FXR2: variants seen among roughly 807,000 people sequenced by gnomAD.
FXR2 encodes RNA-binding protein FXR2.
FXR2 carries 9 observed loss-of-function variants against 87.3 expected under a neutral mutation model. The observed-to-expected ratio is 0.10, with a 90% CI of 0.06 to 0.18. The LOEUF is 0.18. Ranked by LOEUF, FXR2 falls within the 10% of genes least tolerant of loss-of-function variation. FXR2 has a pLI of 1.00. For synonymous variants in FXR2, 331 were observed against 328.3 expected (o/e 1.01, Z -0.09); for missense variants, 661 against 893.6 (o/e 0.74, Z 3.32).
intron 5 of FXR2, among the ~76,000 whole-genome samples, chr17:7,603,528 CAAAA>C (rs35153607): frequency 9.4e-5 from 10 of 106,894 alleles, no homozygotes; most frequent in South Asian, 3.0e-4. Context: ...ACTCTGTCTC[CAAAA>C]AAAAAAAAAA....
chr17:7,605,870 G>T, intron 2 of FXR2, 132 bp from the exon 3 acceptor site: 1 of 680,256 alleles, frequency 1.5e-6, no homozygotes, highest in Non-Finnish European at 2.6e-6. Context: ...CCCAGGCCCT[G>T]CTCCATAGTA....
At position 7,593,022 on chromosome 17, in the gene FXR2, C is replaced by T. The variant is rs766713738; in HGVS notation, c.1490G>A (p.Arg497Gln). Residue 497 changes from arginine to glutamine, a missense_variant, in exon 13 of 17, where the codon CGG (arginine) becomes CAG (glutamine). Transcript: ENST00000250113. This position sits in a 1 kb window ranked among gnomAD's most constrained non-coding sequence, Gnocchi z 6.1. Reference protein sequence around the residue: ...GRGRGPPPAPRPTSRYNSSSI... With the variant: ...GRGRGPPPAPQPTSRYNSSSI... ...TGAAGAATTGTATCTCGAAGTGGGCCGGGGGGCAGGTGGGGGTCCCCTACC... is the reference window on the plus strand; with the variant it reads ...TGAAGAATTGTATCTCGAAGTGGGCTGGGGGGCAGGTGGGGGTCCCCTACC... The T allele has an allele frequency of 1.1e-4, 180 of 1,576,774 alleles. No individual in the cohort carries two copies. The highest frequency in any genetic ancestry group is 1.4e-4 in the Non-Finnish European group (164 of 1,164,332).
intron 7 of FXR2, among the ~76,000 whole-genome samples, chr17:7,600,664 T>TCA (rs2071747640): frequency 6.6e-6 from 1 of 151,936 alleles, no homozygotes; most frequent in African/African-American, 2.4e-5. Context: ...GGCAGGTGGA[T>TCA]CATGAGGTCA....
At chr17:7,612,822 C>A (rs1272219144) in intron 1 of FXR2, among the ~76,000 whole-genome samples, 1 of 151,668 alleles carries the variant, frequency 6.6e-6, no homozygotes, top group African/African-American at 2.4e-5. Flanking sequence ...CAGTGAAACC[C>A]CGTCTCTACT....
intron 2 of FXR2, 105 bp downstream of exon 2, chr17:7,605,992 C>A: frequency 1.3e-6 from 1 of 786,124 alleles, no homozygotes; most frequent in Non-Finnish European, 2.1e-6. Context: ...CCCAAACCCT[C>A]AGCTCTCCCA....
chr17:7,610,977 G>A (rs2071858976), intron 1 of FXR2, among the ~76,000 whole-genome samples: 1 of 152,176 alleles, frequency 6.6e-6, no homozygotes, highest in African/African-American at 2.4e-5. Context: ...AGCAAAGGAG[G>A]GGGTTCTAGG....
intron 1 of FXR2, among the ~76,000 whole-genome samples, chr17:7,606,865 CCTCA>C (rs903128408): frequency 4.6e-5 from 7 of 152,164 alleles, no homozygotes; most frequent in African/African-American, 1.7e-4. Flanking sequence ...TGGTCTGTGT[CCTCA>C]CTAAGGAGGC....
intron 7 of FXR2, among the ~76,000 whole-genome samples, chr17:7,599,546 A>G (rs2071735922): frequency 6.6e-6 from 1 of 152,180 alleles, no homozygotes; most frequent in Non-Finnish European, 1.5e-5. Context: ...GAATCTGACA[A>G]TTATACGATG....
At chr17:7,610,112 G>T (rs1265345369) in intron 1 of FXR2, among the ~76,000 whole-genome samples, 1 of 151,466 alleles carries the variant, frequency 6.6e-6, no homozygotes, top group Non-Finnish European at 1.5e-5. Context: ...TGTAACCTCA[G>T]CTATTCAGGG....
rs761815605 is a variant in FXR2, at chr17:7,594,762, AG to A, written c.832-6del. 1.3e-6 allele frequency: 2 copies of A among 1,588,654 alleles called. No individual in the cohort carries two copies. On this transcript the variant is annotated splice_region_variant and splice_polypyrimidine_tract_variant and intron_variant, in intron 8 of 16. Transcript: ENST00000250113. This position sits in a 1 kb window ranked among gnomAD's most constrained non-coding sequence, Gnocchi z 5.1. ...CTGTCGGCAAGCCTCGGGAGTCTAA[AG>A]GAAGAACAGCAGGGAGTTGTTACTA... is the stretch of plus-strand genomic sequence containing the variant.
At chr17:7,606,884 G>A (rs2071807404) in intron 1 of FXR2, among the ~76,000 whole-genome samples, 1 of 152,184 alleles carries the variant, frequency 6.6e-6, no homozygotes, top group Admixed American at 6.5e-5. Flanking sequence ...GGAGGCCAAA[G>A]CCATGCATTC....
chr17:7,592,595 ATCT>A lies in FXR2; in HGVS notation c.1731_1733del (p.Glu577del). 1 of 1,612,600 alleles carries A rather than the reference ATCT, an allele frequency of 6.2e-7. No individual in the cohort carries two copies. Among genetic ancestry groups the A allele is most frequent in the Non-Finnish European group, 8.5e-7 (1 of 1,179,416 alleles). On this transcript the variant is annotated inframe_deletion and splice_region_variant, in exon 15 of 17. Coordinates refer to ENST00000250113, the MANE Select transcript of FXR2 (RefSeq NM_004860.4). This position sits in a 1 kb window ranked among gnomAD's most constrained non-coding sequence, Gnocchi z 4.8. ...GATTACGACGTTGAGGTCTTGATTCATCTTCTGTAGGGTAGGAAAAAACCAGAG... is the reference window on the plus strand; with the variant it reads ...GATTACGACGTTGAGGTCTTGATTCATCTGTAGGGTAGGAAAAAACCAGAG...
At chr17:7,596,111 C>G in intron 7 of FXR2, 117 bp from the exon 8 acceptor site, 1 of 796,674 alleles carries the variant, frequency 1.3e-6, no homozygotes, top group South Asian at 1.7e-5. Context: ...AAGCTAGAAC[C>G]ACTCTGGAGT....
rs757497358 is a variant in FXR2 at position 7,592,831 on chromosome 17, A to G, written c.1592T>C (p.Val531Ala). Residue 531 changes from valine (V) to alanine (A), a missense_variant, in exon 14 of 17, where the codon GTT becomes GCT. Coordinates refer to ENST00000250113, the MANE Select transcript of FXR2 (RefSeq NM_004860.4). The surrounding 1 kb of genome is among the most constrained non-coding windows in gnomAD (Gnocchi z 4.8). The part of the protein sequence containing the change: ...LLDTSEPEPP[V>A]DSEPGEPPPA... ...GGGGGGTTCCCCAGGTTCTGAATCA[A>G]CCGGGGGCTCTGGTTCAGACGTGTC... 3 of 1,612,164 alleles carry G rather than the reference A, an allele frequency of 1.9e-6. No individual in the cohort carries two copies. Among genetic ancestry groups the G allele is most frequent in the Non-Finnish European group, 2.5e-6 (3 of 1,179,120 alleles).
At chr17:7,613,987 G>A in intron 1 of FXR2, 2 of 454,628 alleles carry the variant, frequency 4.4e-6, no homozygotes, top group South Asian at 1.6e-5. Context: ...CCAGTAGGCA[G>A]AGGCCTCTCT....
intron 1 of FXR2, among the ~76,000 whole-genome samples, chr17:7,611,706 C>G (rs1007829667): frequency 2.5e-4 from 38 of 151,870 alleles, no homozygotes; most frequent in Non-Finnish European, 4.9e-4. Context: ...AGAAAACTGA[C>G]AACAGGGCCC....
At chr17:7,610,047 TAC>T (rs35635534) in intron 1 of FXR2, among the ~76,000 whole-genome samples, 62,458 of 136,804 alleles carry the variant, frequency 0.46, 15,267 homozygotes, top group African/African-American at 0.57. Context: ...TGTATATATA[TAC>T]ACACACACAC....
At chr17:7,611,179 A>T (rs891147233) in intron 1 of FXR2, among the ~76,000 whole-genome samples, 1 of 152,148 alleles carries the variant, frequency 6.6e-6, no homozygotes, top group Non-Finnish European at 1.5e-5. Context: ...TGTACGTCTT[A>T]AGCCATTTTG....
In FXR2 at chr17:7,594,059, T is replaced by C; in HGVS notation, c.1021-55A>G. On this transcript the variant is annotated intron_variant, in intron 10 of 16. Transcript: ENST00000250113. This position sits in a 1 kb window ranked among gnomAD's most constrained non-coding sequence, Gnocchi z 5.1. ...CAGAAAGGAAAATGAAATGGAAGGA[T>C]TAACGCCGCCCAGTCTCCTAGGGGA... is the stretch of plus-strand genomic sequence containing the variant. 1 of 1,200,638 alleles carries C rather than the reference T, an allele frequency of 8.3e-7. No homozygotes were observed. The highest frequency in any genetic ancestry group is 1.2e-6 in the Non-Finnish European group (1 of 802,958). 74.4% of individuals were successfully genotyped at this position (1,200,638 alleles called of 1,614,324 possible).
Sources: allele counts gnomAD v4.1 joint callset (sites outside exome capture counted in the v4.1 genomes callset), GRCh38; gene constraint gnomAD v4.1.1; non-coding constraint Gnocchi (gnomAD v3.1); transcripts MANE v1.5; gene names NCBI Gene and HGNC (gene_info 2026-07-23, HGNC 2026-07-21).